Variants in ZBTB7C observed in about 807,000 individuals in gnomAD.
ZBTB7C encodes zinc finger and BTB domain containing 7C.
A neutral mutation model predicts 25.7 loss-of-function variants in ZBTB7C; 8 were observed. That is an observed-to-expected ratio of 0.31 (90% CI 0.18 to 0.56). ZBTB7C has a LOEUF of 0.56. ZBTB7C is among the 20% of genes least tolerant of loss of function. The pLI, the probability that ZBTB7C is intolerant of heterozygous loss-of-function variation, is 0.91. For missense variants in ZBTB7C, 824 were observed against 855.2 expected (o/e 0.96, Z 0.46); for synonymous variants, 394 against 369.0 (o/e 1.07, Z -0.78).
chr18:48,194,523 G>C (rs1348717799), intron 2 of ZBTB7C, among the ~76,000 whole-genome samples: 1 of 152,186 alleles, frequency 6.6e-6, no homozygotes, highest in Non-Finnish European at 1.5e-5. Context: ...GTAAGCTCAG[G>C]AGATAATGTG....
At chr18:48,376,234 T>A (rs2145187733) in intron 1 of ZBTB7C, among the ~76,000 whole-genome samples, 1 of 152,360 alleles carries the variant, frequency 6.6e-6, no homozygotes. Flanking sequence ...TCTTCTTATG[T>A]CCATTCGCAT....
chr18:48,078,808 C>T (rs1475245176), intron 3 of ZBTB7C, among the ~76,000 whole-genome samples: 1 of 152,156 alleles, frequency 6.6e-6, no homozygotes, highest in Non-Finnish European at 1.5e-5. Flanking sequence ...AACATGTAAC[C>T]TTTTGTGTCT....
chr18:48,297,330 G>T (rs1433469220), intron 2 of ZBTB7C, among the ~76,000 whole-genome samples: 1 of 152,162 alleles, frequency 6.6e-6, no homozygotes, highest in Admixed American at 6.5e-5. Context: ...GTAGTATGCT[G>T]TGTTTGCCTT....
At chr18:48,272,903 A>C (rs1697599748) in intron 2 of ZBTB7C, among the ~76,000 whole-genome samples, 1 of 152,220 alleles carries the variant, frequency 6.6e-6, no homozygotes, top group Non-Finnish European at 1.5e-5. Context: ...CAGACACAAA[A>C]GGCTACATAT....
chr18:48,222,120 T>C (rs1368991126), intron 2 of ZBTB7C, among the ~76,000 whole-genome samples: 2 of 152,148 alleles, frequency 1.3e-5, no homozygotes, highest in Non-Finnish European at 2.9e-5. Flanking sequence ...CTCCCCTCTA[T>C]ACTGTCCTAG....
At chr18:48,031,558 C>T (rs1251595776) in intron 4 of ZBTB7C, among the ~76,000 whole-genome samples, 6 of 152,178 alleles carry the variant, frequency 3.9e-5, no homozygotes. Flanking sequence ...CCATTTAGGC[C>T]AGTGGGTCTC....
intron 3 of ZBTB7C, among the ~76,000 whole-genome samples, chr18:48,052,434 C>T (rs2036726587): frequency 6.6e-6 from 1 of 152,224 alleles, no homozygotes; most frequent in African/African-American, 2.4e-5. Context: ...CATTAAGGTG[C>T]TCCACAGCTG....
chr18:48,364,924 C>T (rs1176025748), intron 1 of ZBTB7C, among the ~76,000 whole-genome samples: 1 of 152,170 alleles, frequency 6.6e-6, no homozygotes, highest in Non-Finnish European at 1.5e-5. Context: ...GCTTACTAAA[C>T]ACAGTTTGCT....
chr18:48,255,246 A>C (rs1286216081), intron 2 of ZBTB7C, among the ~76,000 whole-genome samples: 1 of 152,328 alleles, frequency 6.6e-6, no homozygotes, highest in African/African-American at 2.4e-5. Flanking sequence ...ATCCAAACTG[A>C]CCCAGAACTT....
intron 1 of ZBTB7C, among the ~76,000 whole-genome samples, chr18:48,389,923 C>G (rs374275855): frequency 1.3e-5 from 2 of 152,326 alleles, no homozygotes; most frequent in South Asian, 2.1e-4. Flanking sequence ...ATCTCCACAT[C>G]AGGAGATGTC....
chr18:48,126,028 C>T (rs2039788951), intron 3 of ZBTB7C, among the ~76,000 whole-genome samples: 1 of 152,162 alleles, frequency 6.6e-6, no homozygotes, highest in South Asian at 2.1e-4. Flanking sequence ...GAGTACTGCA[C>T]ATTTGGCCAG....
intron 2 of ZBTB7C, among the ~76,000 whole-genome samples, chr18:48,272,638 C>A (rs563094074): frequency 3.7e-4 from 57 of 152,224 alleles, no homozygotes; most frequent in African/African-American, 1.3e-3. Context: ...AAAGACCTAG[C>A]AATTTCACTC....
chr18:48,056,193 C>A (rs1375035888), intron 3 of ZBTB7C, among the ~76,000 whole-genome samples: 1 of 152,156 alleles, frequency 6.6e-6, no homozygotes, highest in Admixed American at 6.5e-5. Flanking sequence ...AAGATCCATA[C>A]AGAGACTGTT....
intron 1 of ZBTB7C, among the ~76,000 whole-genome samples, chr18:48,398,277 A>G (rs1300733345): frequency 6.6e-6 from 1 of 152,260 alleles, no homozygotes; most frequent in African/African-American, 2.4e-5. Flanking sequence ...CTGCTCGGCC[A>G]CTGCTGCCTG....
rs541621804 is a variant in ZBTB7C, at chr18:48,177,542, C to G, written c.-17+8392G>C. 5.9e-5 allele frequency among the ~76,000 whole-genome samples: 9 copies of G among 152,220 alleles called. No homozygotes were observed. In the South Asian group the frequency reaches 1.9e-3, roughly 32 times the overall value. On this transcript the variant is annotated intron_variant, in intron 3 of 4. Transcript: ENST00000590800. ...TGGCAAAAGGAACTATAATTCCTGG[C>G]CAACAGGAGGGTGTGTGCGTGTGTG...
chr18:48,231,449 G>A (rs1482887971), intron 2 of ZBTB7C, among the ~76,000 whole-genome samples: 1 of 152,102 alleles, frequency 6.6e-6, no homozygotes, highest in African/African-American at 2.4e-5. Flanking sequence ...TGAACTGCCT[G>A]CAGAGAGCAG....
At chr18:48,110,794 G>A (rs1369476722) in intron 3 of ZBTB7C, among the ~76,000 whole-genome samples, 3 of 152,282 alleles carry the variant, frequency 2.0e-5, no homozygotes, top group Admixed American at 6.5e-5. Context: ...GAGGGTTGCT[G>A]GAAAAGAAGG....
intron 2 of ZBTB7C, among the ~76,000 whole-genome samples, chr18:48,312,885 C>T (rs1016274788): frequency 3.3e-5 from 5 of 152,208 alleles, no homozygotes; most frequent in African/African-American, 9.7e-5. Flanking sequence ...AGCTCTTCCA[C>T]GATGCTACGG....
intron 3 of ZBTB7C, chr18:48,162,395 C>T (rs923789370): frequency 1.1e-5 from 5 of 456,540 alleles, no homozygotes; most frequent in African/African-American, 1.0e-4. Context: ...TCAGTTGTTG[C>T]ATCTGTAAAA....
Sources: gnomAD v4.1 joint callset for allele counts (sites outside exome capture counted in the v4.1 genomes callset) on GRCh38, gnomAD v4.1.1 for gene constraint, MANE v1.5 for transcripts, NCBI Gene and HGNC (gene_info 2026-07-23, HGNC 2026-07-21) for gene names.